RUNDC3B: variants seen among roughly 807,000 people sequenced by gnomAD.
RUNDC3B encodes the protein RUN domain-containing protein 3B.
A neutral mutation model predicts 58.4 loss-of-function variants in RUNDC3B; 33 were observed. The observed-to-expected ratio is 0.56, with a 90% CI of 0.43 to 0.75. The LOEUF (loss-of-function observed/expected upper bound fraction) is 0.75. RUNDC3B is among the 30% of genes least tolerant of loss of function. The probability of loss-of-function intolerance (pLI) is 0.00; values close to 1 mark genes in which losing one functional copy is unlikely to be tolerated. For synonymous variants in RUNDC3B, 193 were observed against 195.2 expected (o/e 0.99, Z 0.10); for missense variants, 501 against 535.7 (o/e 0.94, Z 0.64).
rs1488004153 is a variant in RUNDC3B, at chr7:87,821,145, T to C, written c.1225+4883T>C. Among the ~76,000 whole-genome samples the C allele has an allele frequency of 4.4e-4, 66 of 151,442 alleles. 2 individuals are homozygous for C. In the South Asian group the frequency reaches 0.012, roughly 28 times the overall value. ...TGATTGTATATCTAGAAAACCCCAT[T>C]GTCTCAGCCCAAAATCTCCTTAAGC... On this transcript the variant is annotated intron_variant, in intron 10 of 10. Coordinates refer to ENST00000394654, the MANE Select transcript of RUNDC3B (RefSeq NM_001134405.2).
intron 2 of RUNDC3B, among the ~76,000 whole-genome samples, chr7:87,668,460 G>GTT (rs28746488): frequency 3.3e-5 from 5 of 151,128 alleles, no homozygotes; most frequent in African/African-American, 1.2e-4. Flanking sequence ...TCTTTTGATT[G>GTT]TTTTTTTTGT....
intron 6 of RUNDC3B, among the ~76,000 whole-genome samples, chr7:87,757,201 T>C (rs1490216924): frequency 6.6e-6 from 1 of 152,142 alleles, no homozygotes; most frequent in Non-Finnish European, 1.5e-5. Flanking sequence ...TGGTAGTGAC[T>C]TCATTGTTTT....
intron 8 of RUNDC3B, among the ~76,000 whole-genome samples, chr7:87,796,031 A>G (rs1835800006): frequency 6.6e-6 from 1 of 152,254 alleles, no homozygotes; most frequent in South Asian, 2.1e-4. Context: ...ATAATTTACA[A>G]TAGCCAAGAT....
chr7:87,705,086 T>C (rs1829468315), intron 3 of RUNDC3B, among the ~76,000 whole-genome samples: 1 of 152,214 alleles, frequency 6.6e-6, no homozygotes, highest in Non-Finnish European at 1.5e-5. Context: ...TAGATTCATA[T>C]TGTAGAAGCT....
At chr7:87,656,582 G>A (rs532093793) in intron 2 of RUNDC3B, among the ~76,000 whole-genome samples, 1 of 152,132 alleles carries the variant, frequency 6.6e-6, no homozygotes, top group African/African-American at 2.4e-5. Context: ...GATAAAGGGG[G>A]AGGAGGAAAA....
intron 2 of RUNDC3B, among the ~76,000 whole-genome samples, chr7:87,674,140 C>T (rs1826092067): frequency 6.6e-6 from 1 of 152,156 alleles, no homozygotes; most frequent in Non-Finnish European, 1.5e-5. Flanking sequence ...GTGGTACCGG[C>T]CAAACCACTT....
At chr7:87,651,561 T>C (rs1377063320) in intron 2 of RUNDC3B, among the ~76,000 whole-genome samples, 1 of 152,172 alleles carries the variant, frequency 6.6e-6, no homozygotes, top group Non-Finnish European at 1.5e-5. Flanking sequence ...GTACTAACTT[T>C]ATCACATTAA....
At chr7:87,729,863 T>C (rs1372547845) in intron 4 of RUNDC3B, among the ~76,000 whole-genome samples, 1 of 152,108 alleles carries the variant, frequency 6.6e-6, no homozygotes, top group Non-Finnish European at 1.5e-5. Context: ...AAGAGGACTT[T>C]GTATTGAAAC....
chr7:87,763,171 C>T (rs1833791148), intron 6 of RUNDC3B, among the ~76,000 whole-genome samples: 1 of 151,578 alleles, frequency 6.6e-6, no homozygotes, highest in Non-Finnish European at 1.5e-5. Flanking sequence ...GTCTTTACCA[C>T]CCATCCAAGT....
chr7:87,761,487 A>G (rs1463270174), intron 6 of RUNDC3B, among the ~76,000 whole-genome samples: 1 of 151,968 alleles, frequency 6.6e-6, no homozygotes, highest in African/African-American at 2.4e-5. Flanking sequence ...CTTTCCACCC[A>G]AGATAACTGA....
intron 1 of RUNDC3B, among the ~76,000 whole-genome samples, chr7:87,642,193 A>G (rs1413790995): frequency 6.6e-6 from 1 of 152,052 alleles, no homozygotes; most frequent in Non-Finnish European, 1.5e-5. Flanking sequence ...ATATATATAT[A>G]TTTTTAAAAC....
chr7:87,801,503 A>C (rs1417545053), intron 8 of RUNDC3B, among the ~76,000 whole-genome samples: 1 of 152,146 alleles, frequency 6.6e-6, no homozygotes, highest in Non-Finnish European at 1.5e-5. Context: ...CACAACTGTA[A>C]TCTCAACACT....
At chr7:87,729,678 T>C (rs1006986391) in intron 4 of RUNDC3B, among the ~76,000 whole-genome samples, 3 of 152,192 alleles carry the variant, frequency 2.0e-5, no homozygotes, top group Admixed American at 6.5e-5. Context: ...GGACAAGTCC[T>C]GGTGATGTGC....
chr7:87,714,054 A>G (rs565554130), intron 4 of RUNDC3B, among the ~76,000 whole-genome samples: 2 of 152,320 alleles, frequency 1.3e-5, no homozygotes, highest in Admixed American at 6.5e-5. Context: ...GAGAGAAAAA[A>G]TGAGTTGACA....
rs142221473 is a variant in RUNDC3B, at chr7:87,747,783, G to A, written c.629+6204G>A. Among the ~76,000 whole-genome samples, 173 of 152,168 alleles carry A rather than the reference G, an allele frequency of 1.1e-3. 1 individual carries two copies. The highest frequency in any genetic ancestry group is 2.0e-3 in the Non-Finnish European group (133 of 67,986). On this transcript the variant is annotated intron_variant, in intron 6 of 10. Transcript: ENST00000394654. ...AGTGGGGGAAAGCAGGCAGTCACAG[G>A]CTTCACCCAGCTCACATGCAAACCA...
chr7:87,811,492 C>T (rs1231899778), intron 9 of RUNDC3B, among the ~76,000 whole-genome samples: 2 of 152,046 alleles, frequency 1.3e-5, no homozygotes. Context: ...TGCCACCATA[C>T]CCAGCTAATT....
intron 3 of RUNDC3B, among the ~76,000 whole-genome samples, chr7:87,703,893 T>TTTTTTTTTTTTTTTTTG: frequency 8.9e-6 from 1 of 112,076 alleles, no homozygotes; most frequent in African/African-American, 3.5e-5. Flanking sequence ...TTCTTTTTTT[T>TTTTTTTTTTTTTTTTTG]TTTTTTTTTT....
rs1050935487 is a variant in RUNDC3B, at chr7:87,628,750, G to C, written c.-74G>C. ...GCGCCCCCACGGTTGCGGACCGAGC[G>C]AGAACCCCCTTAAGCAGGTGTGGGG... On this transcript the variant is annotated 5_prime_UTR_variant, in exon 1 of 11. Coordinates refer to ENST00000394654, the MANE Select transcript of RUNDC3B (RefSeq NM_001134405.2). The C allele has an allele frequency of 1.7e-5, 16 of 957,526 alleles. No homozygotes were observed. Among genetic ancestry groups the C allele is most frequent in the Non-Finnish European group, 1.8e-5 (13 of 726,366 alleles). The allele number at this position is 957,526 out of a possible 1,614,324, so 59.3% of individuals were successfully genotyped here.
intron 4 of RUNDC3B, among the ~76,000 whole-genome samples, chr7:87,720,002 A>ATGAAAG (rs1554475641): frequency 6.7e-6 from 1 of 150,014 alleles, no homozygotes; most frequent in East Asian, 1.9e-4. Flanking sequence ...AAAAAAAAAA[A>ATGAAAG]AAAAGAGAAA....
Sources: gnomAD v4.1 joint callset for allele counts (sites outside exome capture counted in the v4.1 genomes callset) on GRCh38, gnomAD v4.1.1 for gene constraint, MANE v1.5 for transcripts, NCBI Gene and HGNC (gene_info 2026-07-23, HGNC 2026-07-21) for gene names.